The following SMYD3 variants were observed in gnomAD, a reference collection of about 807,000 sequenced individuals.
SMYD3 encodes SET and MYND domain containing 3, also known as histone-lysine N-methyltransferase SMYD3.
A neutral mutation model predicts 57.7 loss-of-function variants in SMYD3; 36 were observed. That is an observed-to-expected ratio of 0.62 (90% CI 0.48 to 0.82). The LOEUF (loss-of-function observed/expected upper bound fraction) is 0.82, where lower values mean the gene tolerates loss of function less well. SMYD3 is among the 40% of genes least tolerant of loss of function. The pLI is 0.00. For synonymous variants in SMYD3, 211 were observed against 195.0 expected (o/e 1.08, Z -0.68); for missense variants, 515 against 538.8 (o/e 0.96, Z 0.44).
chr1:246,158,695 TATATAA>T (rs1207059188), intron 5 of SMYD3, among the ~76,000 whole-genome samples: 6 of 152,304 alleles, frequency 3.9e-5, no homozygotes, highest in Middle Eastern at 3.4e-3. Context: ...CAAACCAGAA[TATATAA>T]ATATAAAGGG....
intron 5 of SMYD3, among the ~76,000 whole-genome samples, chr1:246,055,759 G>A (rs1401146292): frequency 2.6e-5 from 4 of 152,174 alleles, no homozygotes; most frequent in Non-Finnish European, 4.4e-5. Flanking sequence ...GACACAGAAG[G>A]ACAAATATTG....
intron 10 of SMYD3, among the ~76,000 whole-genome samples, chr1:245,855,574 A>G (rs903268959): frequency 1.3e-4 from 20 of 152,268 alleles, no homozygotes; most frequent in African/African-American, 4.6e-4. Context: ...TTTCCATATT[A>G]GTCACATATA....
Position 245,977,633 on chromosome 1 carries a change from C to G in SMYD3, c.532-47696G>C, listed in dbSNP as rs1415643210. Among the ~76,000 whole-genome samples, 5 of 152,260 alleles carry G rather than the reference C, an allele frequency of 3.3e-5. No homozygotes were observed. The East Asian group carries it at 9.7e-4, about 29-fold the overall frequency. ...GGTGGAGGTTGCAGTGAGCCGAGAT[C>G]GTGCCACTGCATTCCAGCCTGGGTG... On this transcript the variant is annotated intron_variant, in intron 5 of 11. Transcript: ENST00000490107.
chr1:245,879,328 T>C (rs955689401), intron 8 of SMYD3, among the ~76,000 whole-genome samples: 22 of 152,234 alleles, frequency 1.4e-4, no homozygotes. Context: ...ATATGCAAAG[T>C]GCTGTGCATA....
rs568718112 is a variant in SMYD3 at position 245,893,886 on chromosome 1, T to G, written c.813+21644A>C. Among the ~76,000 whole-genome samples, 32 of 152,338 alleles carry G rather than the reference T, an allele frequency of 2.1e-4. 1 individual carries two copies. The South Asian group carries it at 6.6e-3, about 32-fold the overall frequency. The stretch of plus-strand genomic sequence containing the variant: ...TCTTTAAAAAGATAGGGAAGGTCTA[T>G]CTGTTACTCTTATCACTATAGAAAC... On this transcript the variant is annotated intron_variant, in intron 8 of 11. Coordinates refer to ENST00000490107, the MANE Select transcript of SMYD3 (RefSeq NM_001167740.2).
chr1:246,390,928 C>T lies in SMYD3; in HGVS notation c.165-35834G>A, dbSNP rs181043444. Among the ~76,000 whole-genome samples the T allele has an allele frequency of 1.0e-3, 159 of 152,100 alleles. 1 individual carries two copies. Among genetic ancestry groups the T allele is most frequent in the Non-Finnish European group, 1.6e-3 (106 of 67,984 alleles). ...AACGGTACACTCCAAAAATATTTAA[C>T]GCAAATGTAATAGAAGAACAGAGGA... On this transcript the variant is annotated intron_variant, in intron 1 of 11. Coordinates refer to ENST00000490107, the MANE Select transcript of SMYD3 (RefSeq NM_001167740.2).
At chr1:246,264,908 T>C (rs1460034990) in intron 5 of SMYD3, among the ~76,000 whole-genome samples, 1 of 152,248 alleles carries the variant, frequency 6.6e-6, no homozygotes, top group African/African-American at 2.4e-5. Flanking sequence ...AATTCTATGA[T>C]GCATACAGAA....
At chr1:245,805,542 C>T (rs1405024783) in intron 10 of SMYD3, among the ~76,000 whole-genome samples, 1 of 152,138 alleles carries the variant, frequency 6.6e-6, no homozygotes, top group African/African-American at 2.4e-5. Flanking sequence ...CTTAAGTCTT[C>T]CTGCATAAAT....
intron 10 of SMYD3, among the ~76,000 whole-genome samples, chr1:245,827,957 A>G (rs12041325): frequency 0.84 from 127,585 of 152,164 alleles, 54,981 homozygotes; most frequent in Non-Finnish European, 0.95. Context: ...GTTGTGCCCT[A>G]AAGCCTGAAG....
intron 2 of SMYD3, among the ~76,000 whole-genome samples, chr1:246,343,828 C>T (rs1207516552): frequency 6.6e-6 from 1 of 152,108 alleles, no homozygotes; most frequent in Non-Finnish European, 1.5e-5. Flanking sequence ...TAGTCTAATT[C>T]TTTGAGTGGC....
intron 7 of SMYD3, among the ~76,000 whole-genome samples, chr1:245,918,037 G>T (rs2055575712): frequency 6.6e-6 from 1 of 152,188 alleles, no homozygotes; most frequent in African/African-American, 2.4e-5. Context: ...ATGGTGGATG[G>T]CTGGGCTGGC....
intron 5 of SMYD3, among the ~76,000 whole-genome samples, chr1:246,237,412 C>G (rs1200621733): frequency 6.6e-6 from 1 of 152,086 alleles, no homozygotes; most frequent in African/African-American, 2.4e-5. Flanking sequence ...GGTTGTTGTT[C>G]TATTACTGTT....
chr1:245,900,953 T>C (rs753884648), intron 8 of SMYD3, among the ~76,000 whole-genome samples: 29 of 152,332 alleles, frequency 1.9e-4, no homozygotes, highest in Admixed American at 6.5e-4. Flanking sequence ...ATAAAGTAGA[T>C]TGAATCTTCA....
rs75777256 is a variant in SMYD3 at position 246,186,611 on chromosome 1, C to G, written c.531+140590G>C. ...TGTTTAATTGCTAACTTTCTGAAAG[C>G]CCTCAGAAAAAGACCCAAGTTCATT... is the stretch of plus-strand genomic sequence containing the variant. On this transcript the variant is annotated intron_variant, in intron 5 of 11. Transcript: ENST00000490107. 258 of 290,592 alleles carry G rather than the reference C, an allele frequency of 8.9e-4. 2 individuals carry two copies. The highest frequency in any genetic ancestry group is 5.5e-3 in the African/African-American group (243 of 44,042). The allele number at this position is 290,592 out of a possible 1,614,324, so 18.0% of individuals were successfully genotyped here.
At chr1:246,470,449 C>G (rs572136658) in intron 1 of SMYD3, among the ~76,000 whole-genome samples, 8 of 150,790 alleles carry the variant, frequency 5.3e-5, no homozygotes. Context: ...TGCCCAAGAT[C>G]ACACCACTGC....
rs1053721689 is a variant in SMYD3 at position 246,243,955 on chromosome 1, G to C, written c.531+83246C>G. ...TTGGGCATGGTGGCAAATGTCTATA[G>C]TCCCAGCTACTTGGGAGACATATAT... On this transcript the variant is annotated intron_variant, in intron 5 of 11. Transcript: ENST00000490107. Among the ~76,000 whole-genome samples the C allele has an allele frequency of 1.1e-4, 12 of 110,760 alleles. 1 individual carries two copies. The highest frequency in any genetic ancestry group is 3.9e-4 in the African/African-American group (12 of 30,474). 72.7% of individuals were successfully genotyped at this position (110,760 alleles called of 152,430 possible).
intron 8 of SMYD3, among the ~76,000 whole-genome samples, chr1:245,881,988 C>A (rs762332249): frequency 1.1e-4 from 16 of 152,192 alleles, no homozygotes; most frequent in Non-Finnish European, 1.8e-4. Context: ...GCCTGCTGGT[C>A]TTGTTGGGGA....
At chr1:245,917,645 T>C (rs1481854042) in intron 7 of SMYD3, among the ~76,000 whole-genome samples, 1 of 152,226 alleles carries the variant, frequency 6.6e-6, no homozygotes, top group Non-Finnish European at 1.5e-5. Flanking sequence ...CGTTCAGGTC[T>C]AACCTCAATG....
At chr1:246,107,064 C>T (rs979640770) in intron 5 of SMYD3, among the ~76,000 whole-genome samples, 5 of 150,714 alleles carry the variant, frequency 3.3e-5, no homozygotes, top group Non-Finnish European at 7.4e-5. Context: ...CTTTGGGAGG[C>T]TGAGGCGGGC....
Sources: allele counts gnomAD v4.1 joint callset (sites outside exome capture counted in the v4.1 genomes callset), GRCh38; gene constraint gnomAD v4.1.1; transcripts MANE v1.5; gene names NCBI Gene and HGNC (gene_info 2026-07-23, HGNC 2026-07-21).